CHD6: variants seen among roughly 807,000 people sequenced by gnomAD.
CHD6 encodes ATP-dependent chromatin remodeler CHD6.
A neutral mutation model predicts 276.9 loss-of-function variants in CHD6; 50 were observed. That is an observed-to-expected ratio of 0.18 (90% CI 0.14 to 0.23). The LOEUF (loss-of-function observed/expected upper bound fraction) is 0.23, where lower values mean the gene tolerates loss of function less well. Ranked by LOEUF, CHD6 falls within the 10% of genes least tolerant of loss-of-function variation. The probability of loss-of-function intolerance (pLI) is 1.00; values close to 1 mark genes in which losing one functional copy is unlikely to be tolerated. For missense variants in CHD6, 2,564 were observed against 3,365.8 expected, an observed-to-expected ratio of 0.76 and a Z score of 5.89; for synonymous variants, 1,173 against 1,229.3, an observed-to-expected ratio of 0.95 and a Z score of 0.96.
At position 41,473,676 on chromosome 20, in the gene CHD6, T is replaced by C. The variant is rs954118738; in HGVS notation, c.2469-159A>G. On this transcript the variant is annotated intron_variant, in intron 16 of 36. Coordinates refer to ENST00000373233, the MANE Select transcript of CHD6 (RefSeq NM_032221.5). This position sits in a 1 kb window ranked among gnomAD's most constrained non-coding sequence, Gnocchi z 4.1. Reference sequence around the variant, plus strand: ...TAGAAGGAATCCTGCCCCCTACATATGCAGCAGGGCAGACACTTAAAACTG... The same window carrying C: ...TAGAAGGAATCCTGCCCCCTACATACGCAGCAGGGCAGACACTTAAAACTG... 1.3e-5 allele frequency among the ~76,000 whole-genome samples: 2 copies of C among 151,844 alleles called. No homozygotes were observed. The highest frequency in any genetic ancestry group is 4.8e-5 in the African/African-American group (2 of 41,280).
chr20:41,604,641 G>GA (rs915770164), intron 1 of CHD6, among the ~76,000 whole-genome samples: 1 of 152,162 alleles, frequency 6.6e-6, no homozygotes, highest in African/African-American at 2.4e-5. Context: ...CAAGTCTCAG[G>GA]AAGATTTGAA....
At chr20:41,514,690 A>G in intron 4 of CHD6, 115 bp downstream of exon 4, 1 of 1,220,756 alleles carries the variant, frequency 8.2e-7, no homozygotes, top group East Asian at 2.4e-5. Flanking sequence ...GTAAAAGCCC[A>G]GCCCAGGGCT....
At chr20:41,587,824 A>G (rs61572691) in intron 1 of CHD6, among the ~76,000 whole-genome samples, 17,437 of 123,258 alleles carry the variant, frequency 0.14, 1,288 homozygotes, top group East Asian at 0.54. Flanking sequence ...GTAGTGAAAA[A>G]CAAACCAAAA....
intron 20 of CHD6, among the ~76,000 whole-genome samples, chr20:41,453,947 T>C (rs2048316305): frequency 1.3e-5 from 2 of 152,176 alleles, no homozygotes; most frequent in Admixed American, 6.5e-5. Context: ...GAGAGTTCAA[T>C]ACTCACCTGA....
At chr20:41,579,517 G>A (rs539250320) in intron 1 of CHD6, among the ~76,000 whole-genome samples, 6 of 151,186 alleles carry the variant, frequency 4.0e-5, no homozygotes, top group African/African-American at 1.2e-4. Flanking sequence ...TCTGGCCACC[G>A]TCCATGAGGC....
chr20:41,411,422 C>A (rs563419352), intron 36 of CHD6, among the ~76,000 whole-genome samples: 1 of 151,836 alleles, frequency 6.6e-6, no homozygotes, highest in East Asian at 1.9e-4. Context: ...TATGGAACAA[C>A]CTGGGAAAGG....
Position 41,553,376 on chromosome 20 carries a change from G to C in CHD6, c.-23-2016C>G, listed in dbSNP as rs77236380. Among the ~76,000 whole-genome samples the C allele has an allele frequency of 3.0e-3, 454 of 152,314 alleles. 17 individuals carry two copies. In the East Asian group the frequency reaches 0.079, roughly 27 times the overall value. Reference sequence around the variant, plus strand: ...CCTTGGTTTGGGCTAATAACTCTTTGTCAGGCCCTGTCCTAAGTAACTGTT... The same window carrying C: ...CCTTGGTTTGGGCTAATAACTCTTTCTCAGGCCCTGTCCTAAGTAACTGTT... On this transcript the variant is annotated intron_variant, in intron 1 of 36. Transcript: ENST00000373233.
chr20:41,422,248 G>A (rs531661438), intron 30 of CHD6, among the ~76,000 whole-genome samples, 169 bp from the exon 31 acceptor site: 3 of 152,236 alleles, frequency 2.0e-5, no homozygotes, highest in African/African-American at 7.2e-5. Flanking sequence ...AGAATGGAAG[G>A]CTTTTATGAA....
At chr20:41,546,384 C>A (rs1448535547) in intron 2 of CHD6, among the ~76,000 whole-genome samples, 1 of 152,130 alleles carries the variant, frequency 6.6e-6, no homozygotes, top group Non-Finnish European at 1.5e-5. Context: ...AAGCCGTCAT[C>A]CTACTTATAA....
At chr20:41,417,938 A>C (rs1421021059) in intron 31 of CHD6, among the ~76,000 whole-genome samples, 1 of 152,264 alleles carries the variant, frequency 6.6e-6, no homozygotes, top group African/African-American at 2.4e-5. Flanking sequence ...GTTTATCATC[A>C]ATGTGTCAAC....
At chr20:41,512,244 G>A (rs2044136580) in intron 5 of CHD6, among the ~76,000 whole-genome samples, 1 of 152,002 alleles carries the variant, frequency 6.6e-6, no homozygotes, top group Non-Finnish European at 1.5e-5. Context: ...GGGATTACAG[G>A]TGTGAGCCAC....
intron 36 of CHD6, among the ~76,000 whole-genome samples, chr20:41,409,929 TATATGTGTGTGTATAC>T (rs1277957399): frequency 2.6e-5 from 4 of 152,166 alleles, no homozygotes; most frequent in Admixed American, 2.6e-4. Flanking sequence ...CTATATTAAG[TATATGTGTGTGTATAC>T]ATATATTTAA....
At chr20:41,541,673 C>A (rs539056825) in intron 2 of CHD6, among the ~76,000 whole-genome samples, 83 of 152,250 alleles carry the variant, frequency 5.5e-4, no homozygotes, top group African/African-American at 1.9e-3. Flanking sequence ...ATCCCTGAAG[C>A]CTGAAGAAGA....
At chr20:41,503,276 T>C (rs949099042) in intron 5 of CHD6, among the ~76,000 whole-genome samples, 18 of 152,352 alleles carry the variant, frequency 1.2e-4, no homozygotes, top group African/African-American at 4.1e-4. Flanking sequence ...TCTTTATATA[T>C]CCAGCAACTT....
chr20:41,598,010 A>G (rs2045736135), intron 1 of CHD6, among the ~76,000 whole-genome samples: 1 of 152,120 alleles, frequency 6.6e-6, no homozygotes, highest in African/African-American at 2.4e-5. Flanking sequence ...AGCTGGTCCA[A>G]TGTTCTATGG....
chr20:41,462,756 G>A (rs1424821442), intron 17 of CHD6, among the ~76,000 whole-genome samples: 1 of 152,104 alleles, frequency 6.6e-6, no homozygotes, highest in Non-Finnish European at 1.5e-5. Context: ...ATGCATTTGT[G>A]TCTATACACA....
rs1426393743 is a variant in CHD6 at position 41,451,063 on chromosome 20, G to A, written c.3566C>T (p.Thr1189Met). 6 of 1,613,974 alleles carry A rather than the reference G, an allele frequency of 3.7e-6. No homozygotes were observed. The highest frequency in any genetic ancestry group is 1.7e-5 in the Admixed American group (1 of 60,016). ...CTCTGGGATTAGCAACTGGTTCTTC[G>A]TCTTCTTCCCCTTCCTCCCTCTGGG... ...PVPRGRKGKKTKNQLLIPELK... is the reference protein window; with the variant it reads ...PVPRGRKGKKMKNQLLIPELK... Residue 1189 changes from threonine (T) to methionine (M), a missense_variant, in exon 23 of 37, where the codon ACG (threonine) becomes ATG (methionine). Physicochemically the swap from Thr to Met is moderately conservative, Grantham distance 81. Around this residue, in one of 7 missense-constraint regions of CHD6, gnomAD observed 515 missense variants for 739.5 expected, o/e 0.70. Coordinates refer to ENST00000373233, the MANE Select transcript of CHD6 (RefSeq NM_032221.5).
At chr20:41,552,579 T>C (rs561286823) in intron 1 of CHD6, among the ~76,000 whole-genome samples, 2 of 152,206 alleles carry the variant, frequency 1.3e-5, no homozygotes, top group Non-Finnish European at 1.5e-5. Flanking sequence ...TAGTTCCAAT[T>C]CTAAGTAAGT....
intron 17 of CHD6, among the ~76,000 whole-genome samples, chr20:41,471,161 G>A (rs1456152619): frequency 1.3e-5 from 2 of 152,232 alleles, no homozygotes; most frequent in African/African-American, 2.4e-5. Flanking sequence ...TTCTGCCACT[G>A]TAACATGAAA....
Sources: gnomAD v4.1 joint callset for allele counts (sites outside exome capture counted in the v4.1 genomes callset) on GRCh38, gnomAD v4.1.1 for gene constraint, gnomAD v4.1.1 regional missense constraint, Gnocchi (gnomAD v3.1) non-coding constraint, MANE v1.5 for transcripts, NCBI Gene and HGNC (gene_info 2026-07-23, HGNC 2026-07-21) for gene names.